SPATA31E1: variants seen among roughly 807,000 people sequenced by gnomAD.
SPATA31E1 encodes spermatogenesis-associated protein 31E1.
A neutral mutation model predicts 12.9 loss-of-function variants in SPATA31E1; 7 were observed. That is an observed-to-expected ratio of 0.54 (90% CI 0.31 to 1.02). The LOEUF (loss-of-function observed/expected upper bound fraction) is 1.02. Among genes scored for constraint, SPATA31E1 ranks in the 50% least tolerant of loss-of-function variants. SPATA31E1 has a pLI of 0.05. For synonymous variants in SPATA31E1, 771 were observed against 719.0 expected (o/e 1.07, Z -1.16); for missense variants, 1,961 against 1,799.8 (o/e 1.09, Z -1.62).
chr9:87,885,900 G>A lies in SPATA31E1; in HGVS notation c.1413G>A (p.Leu471=). ...CACAGAATGCACACTCTGTACCACTGGATAAAGCCTCCACTTCTCTTCCAG... is the reference window on the plus strand; with the variant it reads ...CACAGAATGCACACTCTGTACCACTAGATAAAGCCTCCACTTCTCTTCCAG... ...PSSQNAHSVP[L]DKASTSLPGE... Residue 471 remains leucine, a synonymous_variant, in exon 4 of 4, where the codon CTG becomes CTA. Coordinates refer to ENST00000325643, the MANE Select transcript of SPATA31E1 (RefSeq NM_178828.5). 1 of 1,613,990 alleles carries A rather than the reference G, an allele frequency of 6.2e-7. No individual in the cohort carries two copies. Among genetic ancestry groups the A allele is most frequent in the East Asian group, 2.2e-5 (1 of 44,850 alleles).
Position 87,887,391 on chromosome 9 carries a change from C to T in SPATA31E1, c.2904C>T (p.Gly968=), listed in dbSNP as rs1828302025. ...CSQPPTCSLV[G]RTWQSRTVLE... ...AGCCCCCAACATGCAGCCTTGTGGG[C>T]AGAACCTGGCAGAGCAGGACTGTCC... Residue 968 remains glycine (G), a synonymous_variant, in exon 4 of 4, where the codon GGC becomes GGT. Transcript: ENST00000325643. 1 of 1,613,660 alleles carries T rather than the reference C, an allele frequency of 6.2e-7. No individual in the cohort carries two copies. The highest frequency in any genetic ancestry group is 1.3e-5 in the African/African-American group (1 of 74,908).
At chr9:87,884,672 G>A (rs768527477) in intron 3 of SPATA31E1, 21 bp downstream of exon 3, 5 of 1,613,848 alleles carry the variant, frequency 3.1e-6, no homozygotes, top group Non-Finnish European at 4.2e-6. Flanking sequence ...TCCCCCTTCT[G>A]TCCCTGTCCT....
In SPATA31E1 at chr9:87,887,535, C is replaced by A. The variant is rs756456716; in HGVS notation, c.3048C>A (p.Ala1016=). The A allele has an allele frequency of 4.3e-6, 7 of 1,614,058 alleles. No homozygotes were observed. In the East Asian group the frequency reaches 1.6e-4, roughly 36 times the overall value. ...CAGGAGACCCCTGTAGTAGCAGAGC[C>A]CTGCAAGTGCTCAGCATAGGGTCCC... is the stretch of plus-strand genomic sequence containing the variant. ...MSPGDPCSSR[A]LQVLSIGSQW... is the part of the protein sequence containing the mutation. The change falls in exon 4 of 4, where the codon GCC becomes GCA. Residue 1016 remains alanine (A), a synonymous_variant. Coordinates refer to ENST00000325643, the MANE Select transcript of SPATA31E1 (RefSeq NM_178828.5).
In SPATA31E1 at chr9:87,884,571, C is replaced by T. The variant is rs776327099; in HGVS notation, c.365-20C>T. 6.2e-7 allele frequency: 1 copy of T among 1,613,994 alleles called. No individual in the cohort carries two copies. Among genetic ancestry groups the T allele is most frequent in the Non-Finnish European group, 8.5e-7 (1 of 1,179,970 alleles). On this transcript the variant is annotated intron_variant, in intron 2 of 3. Coordinates refer to ENST00000325643, the MANE Select transcript of SPATA31E1 (RefSeq NM_178828.5). ...CCAGGCACCGCCCTCTCCACCATAA[C>T]CCTGTCTCCTGATTTCCAGCTTGCA...
chr9:87,886,713 G>A lies in SPATA31E1; in HGVS notation c.2226G>A (p.Arg742=), dbSNP rs2117886521. 6.2e-7 allele frequency: 1 copy of A among 1,613,964 alleles called. No individual in the cohort carries two copies. The highest frequency in any genetic ancestry group is 1.6e-4 in the Middle Eastern group (1 of 6,062). Reference sequence around the variant, plus strand: ...AGGAGGCAGAAGGTGACTTACGGAGGTCCTGGAAGTACCAATCAGTAAGTT... The same window carrying A: ...AGGAGGCAGAAGGTGACTTACGGAGATCCTGGAAGTACCAATCAGTAAGTT... ...EDKEAEGDLR[R]SWKYQSVSST... is the part of the protein sequence containing the mutation. Residue 742 remains arginine, a synonymous_variant, in exon 4 of 4, where the codon AGG becomes AGA. Coordinates refer to ENST00000325643, the MANE Select transcript of SPATA31E1 (RefSeq NM_178828.5).
Position 87,887,283 on chromosome 9 carries a change from GCCC to G in SPATA31E1, c.2799_2801del (p.Pro934del). 6.2e-7 allele frequency: 1 copy of G among 1,613,882 alleles called. No homozygotes were observed. ...CGCCTGAGCAGGAGGGAGTCCAGAG[GCCC>G]CCGAGAGGGTCCCAGTCAGCTGATA... On this transcript the variant is annotated inframe_deletion, in exon 4 of 4. Coordinates refer to ENST00000325643, the MANE Select transcript of SPATA31E1 (RefSeq NM_178828.5).
At position 87,887,309 on chromosome 9, in the gene SPATA31E1, A is replaced by G; in HGVS notation, c.2822A>G (p.Asp941Gly). ...CCCCCGAGAGGGTCCCAGTCAGCTG[A>G]TACCCATGGGCGATCAGAGGCCTTT... ...QRPPRGSQSA[D>G]THGRSEAFPT... The change falls in exon 4 of 4, where the codon GAT becomes GGT. Residue 941 changes from aspartate to glycine, a missense_variant. Asp to Gly is a moderately conservative substitution (Grantham distance 94, BLOSUM62 -1). Coordinates refer to ENST00000325643, the MANE Select transcript of SPATA31E1 (RefSeq NM_178828.5). 1 of 1,613,714 alleles carries G rather than the reference A, an allele frequency of 6.2e-7. No individual in the cohort carries two copies.
At position 87,886,092 on chromosome 9, in the gene SPATA31E1, G is replaced by A; in HGVS notation, c.1605G>A (p.Gly535=). 2 of 1,607,822 alleles carry A rather than the reference G, an allele frequency of 1.2e-6. No individual in the cohort carries two copies. Among genetic ancestry groups the A allele is most frequent in the East Asian group, 4.5e-5 (2 of 44,778 alleles). ...TCTCACCCCCTGTCCCAAGCCTGGG[G>A]TGCTCTTCTCCACCCCAGATTAGGG... ...AHLSPPVPSL[G]CSSPPQIRGC... The change falls in exon 4 of 4, where the codon GGG becomes GGA. Residue 535 remains glycine (G), a synonymous_variant. Coordinates refer to ENST00000325643, the MANE Select transcript of SPATA31E1 (RefSeq NM_178828.5).
At position 87,886,895 on chromosome 9, in the gene SPATA31E1, G is replaced by T; in HGVS notation, c.2408G>T (p.Arg803Met). The stretch of plus-strand genomic sequence containing the variant: ...GCTGTTCCCAAGTCTGACACCCACA[G>T]GAAACCTGGGAAGCTGGCATCCTGG... Reference protein sequence around the residue: ...KCAVPKSDTHRKPGKLASWRG... With the variant: ...KCAVPKSDTHMKPGKLASWRG... The change falls in exon 4 of 4, where the codon AGG becomes ATG. Residue 803 changes from arginine to methionine, a missense_variant. By Grantham distance (91) the Arg-to-Met change is moderately conservative (BLOSUM62 -1). Transcript: ENST00000325643. 6.2e-7 allele frequency: 1 copy of T among 1,614,134 alleles called. No individual in the cohort carries two copies.
rs767697027 is a variant in SPATA31E1, at chr9:87,887,218, A to C, written c.2731A>C (p.Lys911Gln). 2.5e-6 allele frequency: 4 copies of C among 1,614,016 alleles called. No homozygotes were observed. Among genetic ancestry groups the C allele is most frequent in the South Asian group, 2.2e-5 (2 of 91,074 alleles). Residue 911 changes from lysine to glutamine, a missense_variant, in exon 4 of 4, where the codon AAG becomes CAG. Coordinates refer to ENST00000325643, the MANE Select transcript of SPATA31E1 (RefSeq NM_178828.5). ...NGPGDNRTTSKSVPTVSGPLA... is the reference protein window; with the variant it reads ...NGPGDNRTTSQSVPTVSGPLA... ...TCCAGGAGACAACAGAACAACAAGCAAGTCAGTCCCGACCGTGAGTGGCCC... is the reference window on the plus strand; with the variant it reads ...TCCAGGAGACAACAGAACAACAAGCCAGTCAGTCCCGACCGTGAGTGGCCC...
chr9:87,884,952 G>A lies in SPATA31E1; in HGVS notation c.465G>A (p.Leu155=). ...RKLAGEGSSH[L]PLGGDPLGDV... ...TCGCTGGCGAAGGCAGCTCCCACCTGCCCTTAGGTGGAGACCCCCTGGGGG... is the reference window on the plus strand; with the variant it reads ...TCGCTGGCGAAGGCAGCTCCCACCTACCCTTAGGTGGAGACCCCCTGGGGG... Residue 155 remains leucine, a synonymous_variant, in exon 4 of 4, where the codon CTG becomes CTA. Coordinates refer to ENST00000325643, the MANE Select transcript of SPATA31E1 (RefSeq NM_178828.5). 6.2e-7 allele frequency: 1 copy of A among 1,613,538 alleles called. No individual in the cohort carries two copies. The highest frequency in any genetic ancestry group is 8.5e-7 in the Non-Finnish European group (1 of 1,179,672).
At position 87,886,167 on chromosome 9, in the gene SPATA31E1, C is replaced by T. The variant is rs1828268022; in HGVS notation, c.1680C>T (p.Ile560=). 1 of 1,606,212 alleles carries T rather than the reference C, an allele frequency of 6.2e-7. No individual in the cohort carries two copies. The highest frequency in any genetic ancestry group is 8.5e-7 in the Non-Finnish European group (1 of 1,175,054). The change falls in exon 4 of 4, where the codon ATC becomes ATT. Residue 560 remains isoleucine, a synonymous_variant. Transcript: ENST00000325643. ...CCCAGGAGAGGACACAGTCTGTCATCCCCACTGGAAAGGAGTATCTTGAAT... is the reference window on the plus strand; with the variant it reads ...CCCAGGAGAGGACACAGTCTGTCATTCCCACTGGAAAGGAGTATCTTGAAT... ...PTSQERTQSV[I]PTGKEYLEWP...
Position 87,884,610 on chromosome 9 carries a change from G to A in SPATA31E1, c.384G>A (p.Arg128=), listed in dbSNP as rs2117873317. Residue 128 remains arginine (R), a synonymous_variant, in exon 3 of 4, where the codon AGG becomes AGA. Coordinates refer to ENST00000325643, the MANE Select transcript of SPATA31E1 (RefSeq NM_178828.5). The part of the protein sequence containing the change: ...SALKACRILL[R]ELEETRDLNY... ...TTCCAGCTTGCAGAATCCTCCTGAG[G>A]GAGCTGGAGGAGACTCGGGACCTGA... The A allele has an allele frequency of 1.2e-6, 2 of 1,614,134 alleles. No homozygotes were observed. Among genetic ancestry groups the A allele is most frequent in the East Asian group, 2.2e-5 (1 of 44,848 alleles).
In SPATA31E1 at chr9:87,884,010, G is replaced by A. The variant is rs144312476; in HGVS notation, c.328G>A (p.Gly110Arg). ...SSREPQRERS[G>R]RSRSRKISAL... Reference sequence around the variant, plus strand: ...CTCTCAGCCTCAAAGGGAGAGAAGCGGGAGGTCCAGGAGCAGGAAGATCTC... The same window carrying A: ...CTCTCAGCCTCAAAGGGAGAGAAGCAGGAGGTCCAGGAGCAGGAAGATCTC... Residue 110 changes from glycine (G) to arginine (R), a missense_variant, in exon 2 of 4, where the codon GGG (glycine) becomes AGG (arginine). Gly to Arg is a moderately radical substitution (Grantham distance 125). Transcript: ENST00000325643. 97 of 1,607,328 alleles carry A rather than the reference G, an allele frequency of 6.0e-5. No individual in the cohort carries two copies. The highest frequency in any genetic ancestry group is 2.1e-4 in the African/African-American group (16 of 74,906).
In SPATA31E1 at chr9:87,886,507, G is replaced by A. The variant is rs1378984573; in HGVS notation, c.2020G>A (p.Ala674Thr). The change falls in exon 4 of 4, where the codon GCC becomes ACC. Residue 674 changes from alanine (A) to threonine (T), a missense_variant. Ala to Thr is a moderately conservative substitution (Grantham distance 58). Transcript: ENST00000325643. ...GAGTCAGGCAGAAGACACGCAGCAGGCCCTCTTGCCCTCCCAGCCTTCTGA... is the reference window on the plus strand; with the variant it reads ...GAGTCAGGCAGAAGACACGCAGCAGACCCTCTTGCCCTCCCAGCCTTCTGA... ...PQSQAEDTQQ[A>T]LLPSQPSDFA... The A allele has an allele frequency of 2.5e-6, 4 of 1,613,704 alleles. No individual in the cohort carries two copies. Among genetic ancestry groups the A allele is most frequent in the Middle Eastern group, 1.6e-4 (1 of 6,080 alleles).
chr9:87,886,036 C>A lies in SPATA31E1; in HGVS notation c.1549C>A (p.Pro517Thr). The change falls in exon 4 of 4, where the codon CCT becomes ACT. Residue 517 changes from proline to threonine, a missense_variant. Pro to Thr is a conservative substitution (Grantham distance 38, BLOSUM62 -1). Coordinates refer to ENST00000325643, the MANE Select transcript of SPATA31E1 (RefSeq NM_178828.5). ...AGCCTGGCCCCAGTCCCAGCCCCCA[C>A]CTTTGGCTGAGATCCAGACCCAGGC... ...TPAWPQSQPP[P>T]LAEIQTQAHL... 2 of 1,613,004 alleles carry A rather than the reference C, an allele frequency of 1.2e-6. No homozygotes were observed. Among genetic ancestry groups the A allele is most frequent in the South Asian group, 2.2e-5 (2 of 91,010 alleles).
In SPATA31E1 at chr9:87,887,470, G is replaced by C; in HGVS notation, c.2983G>C (p.Ala995Pro). ...RLEGSMGSEMAGNEAWLESES... is the reference protein window; with the variant it reads ...RLEGSMGSEMPGNEAWLESES... ...AGAGGGGAGTATGGGTTCAGAAATG[G>C]CTGGGAACGAGGCATGGCTTGAGAG... Residue 995 changes from alanine (A) to proline (P), a missense_variant, in exon 4 of 4, where the codon GCT becomes CCT. Coordinates refer to ENST00000325643, the MANE Select transcript of SPATA31E1 (RefSeq NM_178828.5). 1.2e-6 allele frequency: 2 copies of C among 1,613,918 alleles called. No homozygotes were observed. Among genetic ancestry groups the C allele is most frequent in the East Asian group, 4.5e-5 (2 of 44,878 alleles).
chr9:87,886,076 CT>C lies in SPATA31E1; in HGVS notation c.1590del (p.Val531SerfsTer41). On this transcript the variant is annotated frameshift_variant, in exon 4 of 4. Transcript: ENST00000325643. LOFTEE classifies it low-confidence loss of function (END_TRUNC). Reference protein sequence around the residue: ...EIQTQAHLSPPVPSLGCSSPP... With the variant: ...EIQTQAHLSPXVPSLGCSSPP... ...CAGACCCAGGCCCACCTCTCACCCCCTGTCCCAAGCCTGGGGTGCTCTTCTC... is the reference window on the plus strand; with the variant it reads ...CAGACCCAGGCCCACCTCTCACCCCCGTCCCAAGCCTGGGGTGCTCTTCTC... 3 of 1,609,614 alleles carry C rather than the reference CT, an allele frequency of 1.9e-6. No homozygotes were observed. Among genetic ancestry groups the C allele is most frequent in the Non-Finnish European group, 2.5e-6 (3 of 1,177,066 alleles).
rs1430017260 is a variant in SPATA31E1 at position 87,887,448 on chromosome 9, G to C, written c.2961G>C (p.Glu987Asp). 2 of 1,613,780 alleles carry C rather than the reference G, an allele frequency of 1.2e-6. No homozygotes were observed. The highest frequency in any genetic ancestry group is 1.7e-6 in the Non-Finnish European group (2 of 1,180,044). Residue 987 changes from glutamate to aspartate, a missense_variant, in exon 4 of 4, where the codon GAG becomes GAC. By Grantham distance (45) the Glu-to-Asp change is conservative (BLOSUM62 2). Transcript: ENST00000325643. The stretch of plus-strand genomic sequence containing the variant: ...CCGGGAAACCCAAACCCAGACTAGA[G>C]GGGAGTATGGGTTCAGAAATGGCTG... The part of the protein sequence containing the change: ...LESGKPKPRL[E>D]GSMGSEMAGN...
Sources: allele counts gnomAD v4.1 joint callset, GRCh38; gene constraint gnomAD v4.1.1; transcripts MANE v1.5; gene names NCBI Gene and HGNC (gene_info 2026-07-23, HGNC 2026-07-21).